The following PEAR1 variants were observed in gnomAD, a reference collection of about 807,000 sequenced individuals.
PEAR1 encodes multiple EGF-like domains protein 12.
Under a neutral mutation model 131.2 loss-of-function variants are expected in PEAR1, and 113 were observed. That is an observed-to-expected ratio of 0.86 (90% CI 0.74 to 1.01). PEAR1 has a LOEUF of 1.01. PEAR1 is among the 50% of genes least tolerant of loss of function. The probability of loss-of-function intolerance (pLI) is 0.00; values close to 1 mark genes in which losing one functional copy is unlikely to be tolerated. For synonymous variants in PEAR1, 565 were observed against 523.3 expected, an observed-to-expected ratio of 1.08 and a Z score of -1.09; for missense variants, 1,408 against 1,391.1, an observed-to-expected ratio of 1.01 and a Z score of -0.19.
chr1:156,908,829 G>A lies in PEAR1; in HGVS notation c.1290G>A (p.Thr430=), dbSNP rs754907654. Residue 430 remains threonine, a splice_region_variant and synonymous_variant, in exon 10 of 23, where the codon ACG becomes ACA. Transcript: ENST00000292357. This position sits in a 1 kb window ranked among gnomAD's most constrained non-coding sequence, Gnocchi z 4.2. ...TCTGTCAGTGCGCGCCGGGTTACAC[G>A]GTGAGGCGCGCCCGGCTGCAAGGAA... ...SGLCQCAPGY[T]GPHCASLCPP... 4 of 1,605,382 alleles carry A rather than the reference G, an allele frequency of 2.5e-6. No homozygotes were observed. The South Asian group carries it at 3.3e-5, about 13-fold the overall frequency.
rs1649813412 is a variant in PEAR1, at chr1:156,902,740, C to T, written c.-9-1178C>T. Among the ~76,000 whole-genome samples the T allele has an allele frequency of 6.6e-6, 1 of 152,138 alleles. No homozygotes were observed. The highest frequency in any genetic ancestry group is 1.5e-5 in the Non-Finnish European group (1 of 68,024). On this transcript the variant is annotated intron_variant, in intron 1 of 22. Transcript: ENST00000292357. This position sits in a 1 kb window ranked among gnomAD's most constrained non-coding sequence, Gnocchi z 4.3. ...CTCGGGGAGGCGTAGAGCAGGGAGC[C>T]AGAGCAAGTTTTGGGAACACGGAAT...
intron 15 of PEAR1, among the ~76,000 whole-genome samples, chr1:156,911,077 C>CTTTCTT (rs1651054642): frequency 1.5e-5 from 1 of 65,336 alleles, no homozygotes; most frequent in African/African-American, 2.0e-4. Flanking sequence ...TTCTTTCTTT[C>CTTTCTT]TTTCTTTCTT....
At chr1:156,897,289 G>T (rs543684375) in intron 1 of PEAR1, among the ~76,000 whole-genome samples, 9 of 152,186 alleles carry the variant, frequency 5.9e-5, no homozygotes, top group Admixed American at 5.9e-4. Flanking sequence ...GATGGGAGCC[G>T]CGAGGAAACA....
At chr1:156,910,779 TG>T in intron 15 of PEAR1, 36 bp downstream of exon 15, 1 of 1,611,584 alleles carries the variant, frequency 6.2e-7, no homozygotes, top group Non-Finnish European at 8.5e-7. Context: ...CATACGTGCA[TG>T]CTGAGAGGGG....
chr1:156,913,446 A>C lies in PEAR1; in HGVS notation c.2567A>C (p.Gln856Pro), dbSNP rs1651498785. 1.9e-6 allele frequency: 3 copies of C among 1,613,798 alleles called. No homozygotes were observed. Among genetic ancestry groups the C allele is most frequent in the East Asian group, 2.2e-5 (1 of 44,878 alleles). The change falls in exon 20 of 23, where the codon CAA (glutamine) becomes CCA (proline). Residue 856 changes from glutamine to proline, a missense_variant. Gln to Pro is a moderately conservative substitution (Grantham distance 76). Coordinates refer to ENST00000292357, the MANE Select transcript of PEAR1 (RefSeq NM_001080471.3). ...AACCCTGAGCGGCCAGGTGGGGCCC[A>C]AGGGCATGATAACCACACCACCCTG... ...LQNPERPGGA[Q>P]GHDNHTTLPA...
In PEAR1 at chr1:156,913,466, A is replaced by G; in HGVS notation, c.2587A>G (p.Thr863Ala). 1 of 1,613,030 alleles carries G rather than the reference A, an allele frequency of 6.2e-7. No individual in the cohort carries two copies. The highest frequency in any genetic ancestry group is 8.5e-7 in the Non-Finnish European group (1 of 1,179,922). Residue 863 changes from threonine to alanine, a missense_variant, in exon 20 of 23, where the codon ACC becomes GCC. Physicochemically the swap from Thr to Ala is moderately conservative, Grantham distance 58 (BLOSUM62 0). Coordinates refer to ENST00000292357, the MANE Select transcript of PEAR1 (RefSeq NM_001080471.3). ...GGCCCAAGGGCATGATAACCACACC[A>G]CCCTGCCTGCTGACTGGAAGCACCG... Reference protein sequence around the residue: ...GGAQGHDNHTTLPADWKHRRE... With the variant: ...GGAQGHDNHTALPADWKHRRE...
At chr1:156,904,695 G>T in intron 2 of PEAR1, 53 bp from the exon 3 acceptor site, 1 of 1,523,992 alleles carries the variant, frequency 6.6e-7, no homozygotes, top group East Asian at 2.3e-5. Context: ...TCCCGTTGTG[G>T]CCGCTCAGGC....
chr1:156,905,013 G>A, intron 3 of PEAR1, 161 bp downstream of exon 3: 1 of 1,544,238 alleles, frequency 6.5e-7, no homozygotes, highest in Non-Finnish European at 8.7e-7. Context: ...GTGTGTATGG[G>A]ATGTATATGT....
rs371015426 is a variant in PEAR1 at position 156,914,002 on chromosome 1, C to G, written c.2864C>G (p.Pro955Arg). Residue 955 changes from proline (P) to arginine (R), a missense_variant, in exon 22 of 23, where the codon CCC (proline) becomes CGC (arginine). Pro to Arg is a moderately radical substitution (Grantham distance 103). Coordinates refer to ENST00000292357, the MANE Select transcript of PEAR1 (RefSeq NM_001080471.3). Reference protein sequence around the residue: ...EMKGPPSGSPPRQPPQFWDSQ... With the variant: ...EMKGPPSGSPRRQPPQFWDSQ... ...AAAGGCCCTCCCTCAGGATCTCCCCCCAGGCAGCCTCCTCAGTTCTGGGAC... is the reference window on the plus strand; with the variant it reads ...AAAGGCCCTCCCTCAGGATCTCCCCGCAGGCAGCCTCCTCAGTTCTGGGAC... The G allele has an allele frequency of 1.6e-5, 26 of 1,612,922 alleles. No homozygotes were observed. In the East Asian group the frequency reaches 5.4e-4, roughly 33 times the overall value.
Position 156,913,289 on chromosome 1 carries a change from G to GC in PEAR1, c.2511+9dup, listed in dbSNP as rs1651468519. The GC allele has an allele frequency of 1.9e-6, 3 of 1,602,578 alleles. No homozygotes were observed. In the African/African-American group the frequency reaches 4.0e-5, roughly 21 times the overall value. Reference sequence around the variant, plus strand: ...CCCCCCACCCCCTAACAAGGTCAGTGCCGGGGGAGGGGGTGCACTGTGGAG... The same window carrying GC: ...CCCCCCACCCCCTAACAAGGTCAGTGCCCGGGGGAGGGGGTGCACTGTGGAG... On this transcript the variant is annotated splice_region_variant and intron_variant, in intron 19 of 22. Transcript: ENST00000292357.
Position 156,908,918 on chromosome 1 carries a change from C to T in PEAR1, c.1293C>T (p.Gly431=), listed in dbSNP as rs781150966. The T allele has an allele frequency of 1.2e-6, 2 of 1,613,134 alleles. No homozygotes were observed. Among genetic ancestry groups the T allele is most frequent in the African/African-American group, 1.3e-5 (1 of 74,942 alleles). Residue 431 remains glycine (G), a splice_region_variant and synonymous_variant, in exon 11 of 23, where the codon GGC becomes GGT. Transcript: ENST00000292357. This position sits in a 1 kb window ranked among gnomAD's most constrained non-coding sequence, Gnocchi z 4.2. ...CTCACCCGCTCACCCTCTTTCAGGG[C>T]CCTCACTGTGCTAGTCTTTGTCCTC... ...GLCQCAPGYT[G]PHCASLCPPD...
At position 156,915,024 on chromosome 1, in the gene PEAR1, G is replaced by T; in HGVS notation, c.*226G>T. On this transcript the variant is annotated 3_prime_UTR_variant, in exon 23 of 23. Transcript: ENST00000292357. ...CCTTTCCCAACCCACTGCTCCCAAGGCCTCCAGGGCCCTGTGTACATAAAC... is the reference window on the plus strand; with the variant it reads ...CCTTTCCCAACCCACTGCTCCCAAGTCCTCCAGGGCCCTGTGTACATAAAC... The T allele has an allele frequency of 1.9e-6, 1 of 518,240 alleles. No homozygotes were observed. The allele number at this position is 518,240 out of a possible 1,614,324, so 32.1% of individuals were successfully genotyped here. A position where few individuals can be genotyped will look rare whatever the true frequency, so the allele number is the denominator to read the frequency against.
intron 12 of PEAR1, 43 bp from the exon 13 acceptor site, chr1:156,909,962 TC>T: frequency 6.2e-7 from 1 of 1,612,250 alleles, no homozygotes. Flanking sequence ...GGGCATGGCG[TC>T]CCCCAGCTGA....
intron 7 of PEAR1, 59 bp downstream of exon 7, chr1:156,907,789 GTGC>G (rs1650508852): frequency 6.4e-7 from 1 of 1,574,234 alleles, no homozygotes; most frequent in African/African-American, 1.4e-5. Flanking sequence ...TCTGTGGGTG[GTGC>G]TAAGCAGGGC....
chr1:156,907,373 C>T (rs570122805), intron 6 of PEAR1, among the ~76,000 whole-genome samples: 86 of 152,184 alleles, frequency 5.7e-4, no homozygotes, highest in African/African-American at 2.0e-3. Context: ...TGGGGGCGCC[C>T]GAGAGGCAGA....
At position 156,914,592 on chromosome 1, in the gene PEAR1, G is replaced by A. The variant is rs868594448; in HGVS notation, c.2963-55G>A. ...GAGGAGTGCAGTGGGAGTGGAGGGA[G>A]TGGGGAGAGTGGTGGGAGGAGCCAC... On this transcript the variant is annotated intron_variant, in intron 22 of 22. Transcript: ENST00000292357. The A allele has an allele frequency of 1.4e-5, 21 of 1,546,804 alleles. No individual in the cohort carries two copies. The Middle Eastern group carries it at 6.9e-4, about 51-fold the overall frequency.
Position 156,914,071 on chromosome 1 carries a change from C to T in PEAR1, c.2933C>T (p.Thr978Ile), listed in dbSNP as rs774485530. Residue 978 changes from threonine (T) to isoleucine (I), a missense_variant, in exon 22 of 23, where the codon ACC (threonine) becomes ATC (isoleucine). Transcript: ENST00000292357. ...CCCCAGCCACAGAGAGACAGTGGCA[C>T]CTACGAGCAGCCCAGCCCCCTGATC... ...RQPQPQRDSG[T>I]YEQPSPLIHD... The T allele has an allele frequency of 6.2e-7, 1 of 1,605,260 alleles. No homozygotes were observed. The highest frequency in any genetic ancestry group is 1.1e-5 in the South Asian group (1 of 89,506).
In PEAR1 at chr1:156,906,364, C is replaced by T. The variant is rs747128138; in HGVS notation, c.396C>T (p.Ser132=). The T allele has an allele frequency of 5.6e-6, 9 of 1,614,072 alleles. No individual in the cohort carries two copies. Among genetic ancestry groups the T allele is most frequent in the African/African-American group, 1.3e-5 (1 of 74,940 alleles). The change falls in exon 5 of 23, where the codon TCC becomes TCT. Residue 132 remains serine, a synonymous_variant. Transcript: ENST00000292357. ...CVPGWRGDDC[S]SECAPGMWGP... is the part of the protein sequence containing the mutation. The stretch of plus-strand genomic sequence containing the variant: ...CAGGCTGGCGGGGCGACGACTGTTC[C>T]AGTGGTGAGTGGCTACTGACCCCAG...
At chr1:156,895,049 A>T (rs1349734530) in intron 1 of PEAR1, among the ~76,000 whole-genome samples, 1 of 151,530 alleles carries the variant, frequency 6.6e-6, no homozygotes, top group Non-Finnish European at 1.5e-5. Flanking sequence ...GGCCTCTCCC[A>T]CTCTTGAGGC....
Sources: allele counts gnomAD v4.1 joint callset (sites outside exome capture counted in the v4.1 genomes callset), GRCh38; gene constraint gnomAD v4.1.1; non-coding constraint Gnocchi (gnomAD v3.1); transcripts MANE v1.5; gene names NCBI Gene and HGNC (gene_info 2026-07-23, HGNC 2026-07-21).